Variants in SCN10A observed in about 807,000 individuals in gnomAD.
SCN10A encodes sodium channel protein type 10 subunit alpha.
A neutral mutation model predicts 170.7 loss-of-function variants in SCN10A; 162 were observed. That is an observed-to-expected ratio of 0.95 (90% CI 0.84 to 1.08). SCN10A has a LOEUF of 1.08. SCN10A is among the 50% of genes least tolerant of loss of function. SCN10A has a pLI of 0.00. For missense variants in SCN10A, 2,527 were observed against 2,436.9 expected (o/e 1.04, Z -0.78); for synonymous variants, 985 against 904.6 (o/e 1.09, Z -1.59).
chr3:38,711,887 T>C (rs1369585716), intron 23 of SCN10A, among the ~76,000 whole-genome samples: 1 of 152,238 alleles, frequency 6.6e-6, no homozygotes, highest in Non-Finnish European at 1.5e-5. Flanking sequence ...ACAGGTTCTG[T>C]GTTTTAACTC....
At chr3:38,734,106 C>G (rs932674539) in intron 15 of SCN10A, among the ~76,000 whole-genome samples, 2 of 152,234 alleles carry the variant, frequency 1.3e-5, no homozygotes, top group Non-Finnish European at 2.9e-5. Flanking sequence ...ACTGCAACCT[C>G]TGTCTCTGGG....
intron 22 of SCN10A, 25 bp downstream of exon 22, chr3:38,713,933 A>T: frequency 6.2e-7 from 1 of 1,611,984 alleles, no homozygotes; most frequent in Non-Finnish European, 8.5e-7. Flanking sequence ...TGGCCAGATG[A>T]GAGAAGTTTT....
In SCN10A at chr3:38,697,190, A is replaced by G; in HGVS notation, c.*159T>C. On this transcript the variant is annotated 3_prime_UTR_variant, in exon 28 of 28. Coordinates refer to ENST00000449082, the MANE Select transcript of SCN10A (RefSeq NM_006514.4). The stretch of plus-strand genomic sequence containing the variant: ...CCTATTTGTGTATGATGGTTTTTTC[A>G]AAGGTGGTTACCAGTTGCATTCCCT... 8.6e-7 allele frequency: 1 copy of G among 1,162,074 alleles called. No individual in the cohort carries two copies. The highest frequency in any genetic ancestry group is 1.2e-6 in the Non-Finnish European group (1 of 845,080). The allele number at this position is 1,162,074 out of a possible 1,614,324, so 72.0% of individuals were successfully genotyped here.
In SCN10A at chr3:38,752,457, T is replaced by C. The variant is rs2063759521; in HGVS notation, c.1517A>G (p.His506Arg). 1 of 1,612,316 alleles carries C rather than the reference T, an allele frequency of 6.2e-7. No individual in the cohort carries two copies. Residue 506 changes from histidine to arginine, a missense_variant, in exon 12 of 28, where the codon CAT becomes CGT. Coordinates refer to ENST00000449082, the MANE Select transcript of SCN10A (RefSeq NM_006514.4). ...KRRASHGSVF[H>R]FRSPGRDISL... ...GATATCTCGGCCAGGGGACCGGAAATGGAACACACTGCCATGACTAGCCCG... is the reference window on the plus strand; with the variant it reads ...GATATCTCGGCCAGGGGACCGGAAACGGAACACACTGCCATGACTAGCCCG...
rs2064242279 is a variant in SCN10A at position 38,788,813 on chromosome 3, G to A, written c.470+143C>T. The A allele has an allele frequency of 5.1e-6, 3 of 590,614 alleles. No homozygotes were observed. The Admixed American group carries it at 8.8e-5, about 17-fold the overall frequency. 36.6% of individuals were successfully genotyped at this position (590,614 alleles called of 1,614,324 possible). ...CAAATCTCACAGAAGGAGAGACCTG[G>A]TTATTACAAAGACATATAGACAATG... On this transcript the variant is annotated intron_variant, in intron 4 of 27. Transcript: ENST00000449082.
chr3:38,740,563 G>T (rs1394880320), intron 14 of SCN10A, among the ~76,000 whole-genome samples: 2 of 152,198 alleles, frequency 1.3e-5, no homozygotes, highest in African/African-American at 2.4e-5. Flanking sequence ...GTGTGGTGTG[G>T]TGGGGGGTAG....
intron 23 of SCN10A, 36 bp from the exon 24 acceptor site, chr3:38,710,933 C>G (rs200699649): frequency 5.8e-5 from 92 of 1,587,026 alleles, no homozygotes; most frequent in Non-Finnish European, 7.6e-5. Flanking sequence ...CAGTGTCTGC[C>G]CATCCATCTA....
intron 1 of SCN10A, among the ~76,000 whole-genome samples, chr3:38,810,923 AT>A (rs367684034): frequency 2.4e-4 from 37 of 152,270 alleles, no homozygotes; most frequent in Non-Finnish European, 3.8e-4. Flanking sequence ...AGTCCTCTCA[AT>A]TTTTTTCTAC....
intron 2 of SCN10A, among the ~76,000 whole-genome samples, chr3:38,792,492 G>A (rs941899908): frequency 1.3e-5 from 2 of 152,164 alleles, no homozygotes; most frequent in Non-Finnish European, 2.9e-5. Context: ...TCTGGCAACA[G>A]GATGGTGAAG....
chr3:38,777,856 T>TG (rs1474882091), intron 4 of SCN10A, among the ~76,000 whole-genome samples: 2 of 152,046 alleles, frequency 1.3e-5, no homozygotes, highest in African/African-American at 4.8e-5. Flanking sequence ...ATAATCCATA[T>TG]GGAAAAATAT....
intron 17 of SCN10A, 67 bp from the exon 18 acceptor site, chr3:38,725,381 G>T: frequency 6.9e-7 from 1 of 1,457,828 alleles, no homozygotes; most frequent in Non-Finnish European, 9.2e-7. Flanking sequence ...AAATTTGAAG[G>T]GATCTTGCAC....
At position 38,722,369 on chromosome 3, in the gene SCN10A, C is replaced by T. The variant is rs2063399738; in HGVS notation, c.3396G>A (p.Lys1132=). Residue 1132 remains lysine (K), a synonymous_variant, in exon 20 of 28, where the codon AAG becomes AAA. Transcript: ENST00000449082. ...HCPCCKLDTT[K]SPWDVGWQVR... is the part of the protein sequence containing the mutation. ...CCTGCCAGCCCACATCCCATGGACT[C>T]TTGGTGGTATCCAGTTTGCAGCAGG... 2 of 1,614,156 alleles carry T rather than the reference C, an allele frequency of 1.2e-6. No individual in the cohort carries two copies. The highest frequency in any genetic ancestry group is 4.5e-5 in the East Asian group (2 of 44,888).
At chr3:38,804,091 A>G (rs749784599) in intron 1 of SCN10A, among the ~76,000 whole-genome samples, 3 of 152,140 alleles carry the variant, frequency 2.0e-5, no homozygotes, top group Non-Finnish European at 4.4e-5. Flanking sequence ...CTTTTGAAAT[A>G]TACCCTGTAG....
At chr3:38,750,018 C>T in intron 13 of SCN10A, 55 bp downstream of exon 13, 2 of 981,120 alleles carry the variant, frequency 2.0e-6, no homozygotes, top group Non-Finnish European at 3.2e-6. Flanking sequence ...TTCTGCTGCT[C>T]ACATGGGAAT....
chr3:38,758,024 A>AT (rs1390239891), intron 8 of SCN10A, among the ~76,000 whole-genome samples: 3 of 152,030 alleles, frequency 2.0e-5, no homozygotes, highest in African/African-American at 7.2e-5. Context: ...ATTTTTTTAA[A>AT]TTTTTTTCTT....
intron 26 of SCN10A, among the ~76,000 whole-genome samples, chr3:38,702,709 T>C (rs1054354192): frequency 3.9e-5 from 6 of 152,224 alleles, no homozygotes; most frequent in African/African-American, 1.4e-4. Flanking sequence ...AACTTATTCT[T>C]GGAAATGTTC....
intron 13 of SCN10A, among the ~76,000 whole-genome samples, chr3:38,746,785 C>T (rs980507910): frequency 2.0e-5 from 3 of 152,282 alleles, no homozygotes; most frequent in East Asian, 3.9e-4. Flanking sequence ...CACTTAGTAT[C>T]CTGCACTTCC....
At chr3:38,726,445 TC>T (rs1404649950) in intron 17 of SCN10A, among the ~76,000 whole-genome samples, 160 bp downstream of exon 17, 1 of 152,188 alleles carries the variant, frequency 6.6e-6, no homozygotes, top group African/African-American at 2.4e-5. Flanking sequence ...TCTGACTTTT[TC>T]TTCCAGGCCC....
At chr3:38,787,603 T>C (rs1247156123) in intron 4 of SCN10A, among the ~76,000 whole-genome samples, 1 of 152,074 alleles carries the variant, frequency 6.6e-6, no homozygotes, top group East Asian at 1.9e-4. Context: ...AAGCTTTCCA[T>C]GTTCACAATT....
Sources: gnomAD v4.1 joint callset for allele counts (sites outside exome capture counted in the v4.1 genomes callset) on GRCh38, gnomAD v4.1.1 for gene constraint, MANE v1.5 for transcripts, NCBI Gene and HGNC (gene_info 2026-07-23, HGNC 2026-07-21) for gene names.